Variants in GRIA4 observed in about 807,000 individuals in gnomAD.
GRIA4 encodes the protein glutamate ionotropic receptor AMPA type subunit 4, also known as glutamate receptor 4.
GRIA4 carries 34 observed loss-of-function variants against 104.0 expected under a neutral mutation model. The observed-to-expected ratio is 0.33, with a 90% CI of 0.25 to 0.44. The LOEUF is 0.44. Among genes scored for constraint, GRIA4 ranks in the 20% least tolerant of loss-of-function variants. The pLI is 1.00. For missense variants in GRIA4, 750 were observed against 1,096.5 expected (o/e 0.68, Z 4.46); for synonymous variants, 386 against 381.9 (o/e 1.01, Z -0.13).
At chr11:105,889,808 T>G (rs545938417) in intron 6 of GRIA4, among the ~76,000 whole-genome samples, 2 of 152,298 alleles carry the variant, frequency 1.3e-5, no homozygotes, top group African/African-American at 4.8e-5. Context: ...AACTAGTAAG[T>G]TCCACAGGGT....
chr11:105,875,782 T>C (rs546745768), intron 5 of GRIA4, among the ~76,000 whole-genome samples: 4 of 152,186 alleles, frequency 2.6e-5, no homozygotes, highest in African/African-American at 9.6e-5. Context: ...TTTTTTACCG[T>C]GTCTATTTGA....
At chr11:105,785,521 C>A (rs988969752) in intron 4 of GRIA4, among the ~76,000 whole-genome samples, 1 of 152,084 alleles carries the variant, frequency 6.6e-6, no homozygotes, top group African/African-American at 2.4e-5. Flanking sequence ...AAAATCATCA[C>A]GATCAAACAT....
chr11:105,956,039 T>G (rs551944404), intron 14 of GRIA4, among the ~76,000 whole-genome samples: 2 of 152,270 alleles, frequency 1.3e-5, no homozygotes, highest in South Asian at 2.1e-4. Flanking sequence ...GTCAGACGGG[T>G]AGATTGCAAA....
intron 3 of GRIA4, among the ~76,000 whole-genome samples, chr11:105,659,365 T>C (rs1472759112): frequency 6.6e-6 from 1 of 152,022 alleles, no homozygotes; most frequent in Non-Finnish European, 1.5e-5. Context: ...AAGGTTTATC[T>C]CACTGTTGTA....
At chr11:105,654,167 TA>T (rs1337844022) in intron 3 of GRIA4, among the ~76,000 whole-genome samples, 1 of 151,660 alleles carries the variant, frequency 6.6e-6, no homozygotes, top group Non-Finnish European at 1.5e-5. Context: ...GAGAGTAAGG[TA>T]ATGGTTAGCA....
intron 5 of GRIA4, among the ~76,000 whole-genome samples, chr11:105,869,639 C>T (rs1431242200): frequency 6.6e-6 from 1 of 152,056 alleles, no homozygotes; most frequent in East Asian, 1.9e-4. Flanking sequence ...TTTGAGGACC[C>T]TTTTCTGAGT....
At chr11:105,892,180 CA>C (rs1196261046) in intron 6 of GRIA4, among the ~76,000 whole-genome samples, 3 of 152,140 alleles carry the variant, frequency 2.0e-5, no homozygotes. Context: ...CAGCACCCGT[CA>C]GGGGGACCTA....
At chr11:105,861,268 T>C (rs1945215158) in intron 4 of GRIA4, among the ~76,000 whole-genome samples, 1 of 152,156 alleles carries the variant, frequency 6.6e-6, no homozygotes, top group East Asian at 1.9e-4. Context: ...TTCTCCTCTG[T>C]GGTATTTTTC....
intron 3 of GRIA4, among the ~76,000 whole-genome samples, chr11:105,643,823 A>T (rs1253408643): frequency 1.3e-5 from 2 of 152,160 alleles, no homozygotes; most frequent in Non-Finnish European, 1.5e-5. Flanking sequence ...GGTTGAAGCG[A>T]TTCTCCTGCC....
intron 4 of GRIA4, among the ~76,000 whole-genome samples, chr11:105,799,698 T>C (rs927626195): frequency 1.4e-4 from 21 of 152,116 alleles, no homozygotes; most frequent in African/African-American, 1.9e-4. Context: ...AGTTCTCCTA[T>C]GAAGGCTTCA....
chr11:105,718,067 C>A (rs1193190191), intron 3 of GRIA4, among the ~76,000 whole-genome samples: 3 of 152,046 alleles, frequency 2.0e-5, no homozygotes, highest in Admixed American at 2.0e-4. Context: ...AGAAATGGAT[C>A]ATTGGTTGGC....
chr11:105,879,766 A>C (rs1945977977), intron 5 of GRIA4, among the ~76,000 whole-genome samples: 1 of 152,226 alleles, frequency 6.6e-6, no homozygotes, highest in Non-Finnish European at 1.5e-5. Flanking sequence ...GATTTCTCAT[A>C]AACAGGTTTG....
intron 12 of GRIA4, among the ~76,000 whole-genome samples, chr11:105,926,294 C>A (rs542757551): frequency 6.6e-6 from 1 of 152,050 alleles, no homozygotes; most frequent in Admixed American, 6.6e-5. Context: ...AGTCACTGTT[C>A]ATAGGTATTG....
chr11:105,620,347 G>A (rs902225962), intron 3 of GRIA4, among the ~76,000 whole-genome samples: 2 of 148,212 alleles, frequency 1.3e-5, no homozygotes, highest in African/African-American at 5.0e-5. Context: ...TATTTTATAG[G>A]TGAAGAACCT....
intron 7 of GRIA4, among the ~76,000 whole-genome samples, chr11:105,902,319 T>C (rs1032378925): frequency 5.3e-5 from 8 of 151,848 alleles, no homozygotes; most frequent in African/African-American, 1.7e-4. Flanking sequence ...AAGTTTACTT[T>C]CTTTTCTTTT....
At chr11:105,757,152 T>C (rs1940360869) in intron 4 of GRIA4, among the ~76,000 whole-genome samples, 1 of 152,142 alleles carries the variant, frequency 6.6e-6, no homozygotes, top group African/African-American at 2.4e-5. Context: ...TTAAACCAGA[T>C]TCCACAGGCT....
At chr11:105,638,907 A>G (rs568697025) in intron 3 of GRIA4, among the ~76,000 whole-genome samples, 2 of 152,050 alleles carry the variant, frequency 1.3e-5, no homozygotes, top group Non-Finnish European at 2.9e-5. Context: ...TTATTAGTGA[A>G]GTTGCCGACA....
chr11:105,853,961 C>T (rs577501003), intron 4 of GRIA4, among the ~76,000 whole-genome samples: 1 of 152,286 alleles, frequency 6.6e-6, no homozygotes, highest in East Asian at 1.9e-4. Context: ...CTTCTCTGCT[C>T]CAAAGCTTCG....
At chr11:105,822,364 A>AG (rs1437036200) in intron 4 of GRIA4, among the ~76,000 whole-genome samples, 4 of 152,000 alleles carry the variant, frequency 2.6e-5, no homozygotes, top group Non-Finnish European at 5.9e-5. Flanking sequence ...CAGAATTATG[A>AG]GGGGGGAAAA....
Sources: gnomAD v4.1 joint callset for allele counts (sites outside exome capture counted in the v4.1 genomes callset) on GRCh38, gnomAD v4.1.1 for gene constraint, MANE v1.5 for transcripts, NCBI Gene and HGNC (gene_info 2026-07-23, HGNC 2026-07-21) for gene names.